The following XKR9 variants were observed in gnomAD, a reference collection of about 807,000 sequenced individuals.
XKR9 encodes the protein XK related 9.
Under a neutral mutation model 32.0 loss-of-function variants are expected in XKR9, and 32 were observed. The ratio of observed to expected loss-of-function variants is 1.00; its 90% CI spans 0.76 to 1.34. The LOEUF (loss-of-function observed/expected upper bound fraction) is 1.34. XKR9 is among the 40% of genes most tolerant of loss of function. The pLI is 0.00. For missense variants in XKR9, 546 were observed against 429.7 expected, an observed-to-expected ratio of 1.27 and a Z score of -2.39; for synonymous variants, 168 against 143.4, an observed-to-expected ratio of 1.17 and a Z score of -1.22.
At chr8:70,867,173 C>T in the XKR9 span, among the ~76,000 whole-genome samples, 1 of 152,122 alleles carries the variant, frequency 6.6e-6, no homozygotes, top group Admixed American at 6.5e-5. Flanking sequence ...TGGCAGCAGG[C>T]AAAGAGAAGA....
chr8:70,716,430 C>T (rs944096706), intron 4 of XKR9, among the ~76,000 whole-genome samples: 26 of 131,274 alleles, frequency 2.0e-4, no homozygotes, highest in Middle Eastern at 4.1e-3. Context: ...TGCAGGGCTG[C>T]GGTGGGGGGC....
intron 2 of XKR9, among the ~76,000 whole-genome samples, chr8:70,788,086 A>G (rs1354731604): frequency 2.0e-5 from 3 of 152,102 alleles, no homozygotes; most frequent in Admixed American, 6.6e-5. Flanking sequence ...TATCATTAAT[A>G]GTTACACAGT....
intron 4 of XKR9, among the ~76,000 whole-genome samples, chr8:70,724,780 T>C (rs1806405741): frequency 6.6e-6 from 1 of 152,178 alleles, no homozygotes; most frequent in African/African-American, 2.4e-5. Context: ...CCTTCTGCAT[T>C]GGTCTTGTTG....
At chr8:70,850,105 C>T in the XKR9 span, among the ~76,000 whole-genome samples, 1 of 152,078 alleles carries the variant, frequency 6.6e-6, no homozygotes, top group South Asian at 2.1e-4. Flanking sequence ...GGGACTCCTC[C>T]CTAACTCTTT....
At chr8:71,009,904 A>T in the XKR9 span, among the ~76,000 whole-genome samples, 65,141 of 152,076 alleles carry the variant, frequency 0.43, 15,099 homozygotes, top group Non-Finnish European at 0.53. Flanking sequence ...TCAAAATTGT[A>T]GATTTTGCAC....
chr8:70,885,304 C>T, the XKR9 span, among the ~76,000 whole-genome samples: 4 of 152,058 alleles, frequency 2.6e-5, no homozygotes, highest in African/African-American at 7.2e-5. Context: ...ATACAAGGTA[C>T]GTCCTTCCAG....
the XKR9 span, among the ~76,000 whole-genome samples, chr8:70,969,385 T>C: frequency 6.6e-6 from 1 of 152,176 alleles, no homozygotes; most frequent in Non-Finnish European, 1.5e-5. Context: ...ATGATTTTCT[T>C]TTTTCAGGAT....
At chr8:70,863,337 C>CA in the XKR9 span, among the ~76,000 whole-genome samples, 2 of 152,058 alleles carry the variant, frequency 1.3e-5, no homozygotes, top group Admixed American at 6.6e-5. Context: ...ACAGAACTTA[C>CA]AAAAAATCAG....
the XKR9 span, among the ~76,000 whole-genome samples, chr8:70,956,979 G>T: frequency 6.6e-6 from 1 of 152,250 alleles, no homozygotes; most frequent in Non-Finnish European, 1.5e-5. Context: ...TCGATAGGGG[G>T]GCAGGACTCC....
intron 4 of XKR9, 46 bp downstream of exon 4, chr8:70,707,199 C>T (rs1326231554): frequency 7.8e-6 from 11 of 1,416,962 alleles, no homozygotes; most frequent in Non-Finnish European, 1.1e-5. Flanking sequence ...CCACTGAGAC[C>T]TTACGTCAAC....
At chr8:70,873,092 G>A in the XKR9 span, among the ~76,000 whole-genome samples, 3 of 152,178 alleles carry the variant, frequency 2.0e-5, no homozygotes, top group Admixed American at 1.3e-4. Flanking sequence ...CAGCACATAT[G>A]TTTACAGCAT....
chr8:70,863,620 A>G, the XKR9 span, among the ~76,000 whole-genome samples: 1 of 152,182 alleles, frequency 6.6e-6, no homozygotes. Flanking sequence ...ATATGTGTTG[A>G]AAAAAATCAC....
At chr8:70,917,812 A>G in the XKR9 span, among the ~76,000 whole-genome samples, 1 of 152,228 alleles carries the variant, frequency 6.6e-6, no homozygotes, top group African/African-American at 2.4e-5. Context: ...TTAAACTCAC[A>G]TTGAGCAAAT....
At chr8:70,999,689 G>A in the XKR9 span, among the ~76,000 whole-genome samples, 18 of 152,154 alleles carry the variant, frequency 1.2e-4, no homozygotes, top group Non-Finnish European at 2.1e-4. Flanking sequence ...TGTTCTTGTA[G>A]TAGCTGTTTT....
At chr8:70,764,886 C>T (rs1807354510) in intron 2 of XKR9, among the ~76,000 whole-genome samples, 1 of 152,160 alleles carries the variant, frequency 6.6e-6, no homozygotes, top group South Asian at 2.1e-4. Context: ...ATGATAGTTT[C>T]CAGCTTCATC....
At chr8:70,732,982 G>C (rs34163581) in intron 4 of XKR9, among the ~76,000 whole-genome samples, 19,736 of 152,136 alleles carry the variant, frequency 0.13, 1,675 homozygotes, top group African/African-American at 0.24. Context: ...GCTTGGTGTG[G>C]TGGCATGGGC....
chr8:70,715,895 A>T (rs1806071295), intron 4 of XKR9, among the ~76,000 whole-genome samples: 1 of 152,052 alleles, frequency 6.6e-6, no homozygotes, highest in Non-Finnish European at 1.5e-5. Flanking sequence ...GGATGTTTTG[A>T]GATATATAAG....
chr8:70,888,347 G>A, the XKR9 span, among the ~76,000 whole-genome samples: 1 of 151,310 alleles, frequency 6.6e-6, no homozygotes, highest in Non-Finnish European at 1.5e-5. Flanking sequence ...TTATATTTTG[G>A]ATATGAATTC....
At chr8:71,043,785 A>G in the XKR9 span, among the ~76,000 whole-genome samples, 4 of 152,244 alleles carry the variant, frequency 2.6e-5, no homozygotes, top group East Asian at 1.9e-4. Flanking sequence ...CTCAGTATCA[A>G]TGTCTCACAA....
Sources: gnomAD v4.1 joint callset for allele counts (sites outside exome capture counted in the v4.1 genomes callset) on GRCh38, gnomAD v4.1.1 for gene constraint, MANE v1.5 for transcripts, NCBI Gene and HGNC (gene_info 2026-07-23, HGNC 2026-07-21) for gene names.